Variants in ICE2 observed in about 807,000 individuals in gnomAD.
ICE2 encodes interactor of little elongation complex ELL subunit 2.
Under a neutral mutation model 105.4 loss-of-function variants are expected in ICE2, and 87 were observed. That is an observed-to-expected ratio of 0.83 (90% CI 0.69 to 0.99). The LOEUF (loss-of-function observed/expected upper bound fraction) is 0.99, where lower values mean the gene tolerates loss of function less well. Ranked by LOEUF, ICE2 falls within the 50% of genes least tolerant of loss-of-function variation. The pLI, the probability that ICE2 is intolerant of heterozygous loss-of-function variation, is 0.00. For synonymous variants in ICE2, 399 were observed against 392.0 expected (o/e 1.02, Z -0.21); for missense variants, 1,323 against 1,146.7 (o/e 1.15, Z -2.22).
chr15:60,475,366 C>T (rs1232665023), intron 3 of ICE2, among the ~76,000 whole-genome samples: 1 of 152,010 alleles, frequency 6.6e-6, no homozygotes, highest in Non-Finnish European at 1.5e-5. Context: ...AAAATATAAA[C>T]TGTACATATT....
intron 11 of ICE2, chr15:60,445,815 AT>A (rs1193605091): frequency 1.0e-6 from 1 of 981,936 alleles, no homozygotes; most frequent in Non-Finnish European, 1.2e-6. Flanking sequence ...ACAAAGTGGT[AT>A]GGGTTCACAG....
At chr15:60,457,178 T>C (rs1047125345) in intron 5 of ICE2, among the ~76,000 whole-genome samples, 4 of 152,154 alleles carry the variant, frequency 2.6e-5, no homozygotes, top group African/African-American at 7.2e-5. Flanking sequence ...ATTAATGAAG[T>C]AGTTATCTTA....
intron 12 of ICE2, 32 bp from the exon 13 acceptor site, chr15:60,436,259 A>C (rs1261816299): frequency 7.0e-6 from 6 of 855,002 alleles, no homozygotes; most frequent in Non-Finnish European, 1.1e-5. Context: ...AGAAAGAAGA[A>C]GCAATTGCAG....
At chr15:60,478,100 G>T (rs1020831882) in intron 1 of ICE2, 31 bp from the exon 2 acceptor site, 17 of 848,910 alleles carry the variant, frequency 2.0e-5, no homozygotes, top group Non-Finnish European at 3.2e-5. Flanking sequence ...AAGATCAAAA[G>T]CAAGTGATTG....
rs752892476 is a variant in ICE2 at position 60,436,219 on chromosome 15, C to T, written c.2434G>A (p.Asp812Asn). Residue 812 changes from aspartate to asparagine, a missense_variant, in exon 13 of 16, where the codon GAT becomes AAT. Transcript: ENST00000261520. Reference protein sequence around the residue: ...SNSSFYVGHIDAFTSKLFLLE... With the variant: ...SNSSFYVGHINAFTSKLFLLE... ...AGAAAAAGTTTTGAAGTAAATGCAT[C>T]GATATGCCCTAAAATAAAATATCAA... 7 of 1,331,176 alleles carry T rather than the reference C, an allele frequency of 5.3e-6. No homozygotes were observed. Among genetic ancestry groups the T allele is most frequent in the African/African-American group, 1.5e-5 (1 of 65,252 alleles). 82.5% of individuals were successfully genotyped at this position (1,331,176 alleles called of 1,614,324 possible).
intron 5 of ICE2, among the ~76,000 whole-genome samples, chr15:60,460,273 G>C (rs759596070): frequency 6.6e-6 from 1 of 152,184 alleles, no homozygotes; most frequent in Non-Finnish European, 1.5e-5. Context: ...GAGGCAGGTG[G>C]ATCACCTGAG....
intron 14 of ICE2, among the ~76,000 whole-genome samples, chr15:60,431,357 A>T (rs1403232989): frequency 6.6e-6 from 1 of 152,162 alleles, no homozygotes; most frequent in African/African-American, 2.4e-5. Context: ...ATCCCAAATT[A>T]TGTGAGAAGG....
chr15:60,455,091 C>T lies in ICE2; in HGVS notation c.855G>A (p.Gln285=). 1 of 1,603,172 alleles carries T rather than the reference C, an allele frequency of 6.2e-7. No homozygotes were observed. The highest frequency in any genetic ancestry group is 8.5e-7 in the Non-Finnish European group (1 of 1,176,388). ...RYHPQIALTS[Q]SLFTLLNNHG... is the part of the protein sequence containing the mutation. ...GATTATTTAATAAGGTAAATAATGA[C>T]TGACTAGTTAGAGCTATCTGAGGGT... Residue 285 remains glutamine, a synonymous_variant, in exon 8 of 16, where the codon CAG becomes CAA. Transcript: ENST00000261520.
intron 15 of ICE2, among the ~76,000 whole-genome samples, chr15:60,427,299 A>C (rs75954380): frequency 1.9e-3 from 286 of 152,378 alleles, no homozygotes; most frequent in African/African-American, 6.6e-3. Flanking sequence ...GGCAACCATA[A>C]TGAGAAGATA....
intron 5 of ICE2, among the ~76,000 whole-genome samples, chr15:60,463,509 C>G (rs979038171): frequency 1.3e-5 from 2 of 152,224 alleles, no homozygotes; most frequent in African/African-American, 4.8e-5. Flanking sequence ...CACGGTGGCT[C>G]ACGCCTATAA....
chr15:60,454,953 G>A (rs1248119277), intron 8 of ICE2, 50 bp downstream of exon 8: 10 of 1,470,100 alleles, frequency 6.8e-6, no homozygotes, highest in Non-Finnish European at 9.1e-6. Flanking sequence ...AGAACATGCA[G>A]TCCAACTTCT....
chr15:60,434,850 T>A lies in ICE2; in HGVS notation c.2510+1293A>T, dbSNP rs115358808. ...AATACCATAGTAGAGAAATTACAGTTCATCATAATTTACTGTATATGTCCA... is the reference window on the plus strand; with the variant it reads ...AATACCATAGTAGAGAAATTACAGTACATCATAATTTACTGTATATGTCCA... On this transcript the variant is annotated intron_variant, in intron 13 of 15. Transcript: ENST00000261520. Among the ~76,000 whole-genome samples, 975 of 152,288 alleles carry A rather than the reference T, an allele frequency of 6.4e-3. 8 individuals carry two copies. The highest frequency in any genetic ancestry group is 0.023 in the African/African-American group (948 of 41,564).
chr15:60,447,277 G>A (rs774789684), intron 11 of ICE2, among the ~76,000 whole-genome samples: 12 of 152,094 alleles, frequency 7.9e-5, no homozygotes, highest in Non-Finnish European at 1.5e-4. Context: ...AAAGTGAAAA[G>A]AACTCGAGTT....
chr15:60,422,228 G>GCTCAAGCAATTCTTCTGC lies in ICE2; in HGVS notation c.*1388_*1405dup, dbSNP rs2063248622. The GCTCAAGCAATTCTTCTGC allele has an allele frequency of 6.6e-6, 1 of 151,502 alleles. No homozygotes were observed. The highest frequency in any genetic ancestry group is 2.4e-5 in the African/African-American group (1 of 41,186). 9.4% of individuals were successfully genotyped at this position (151,502 alleles called of 1,614,324 possible). On this transcript the variant is annotated 3_prime_UTR_variant, in exon 16 of 16. Coordinates refer to ENST00000261520, the MANE Select transcript of ICE2 (RefSeq NM_024611.6). ...ACTCACTGTAGCCTTGACTTCTTGG[G>GCTCAAGCAATTCTTCTGC]CTCAAGCAATTCTTCTGCCTCAGCC... is the stretch of plus-strand genomic sequence containing the variant.
chr15:60,478,729 T>A (rs2141190643), intron 1 of ICE2: 1 of 345,158 alleles, frequency 2.9e-6, no homozygotes, highest in East Asian at 8.1e-5. Flanking sequence ...AATCTACCTC[T>A]CACACTTCGA....
chr15:60,431,654 T>C (rs148462985), intron 14 of ICE2, among the ~76,000 whole-genome samples: 143 of 152,326 alleles, frequency 9.4e-4, no homozygotes, highest in African/African-American at 3.2e-3. Flanking sequence ...AGAATCAATC[T>C]GTTTTGTTTC....
chr15:60,458,349 AG>A (rs1286585809), intron 5 of ICE2, among the ~76,000 whole-genome samples: 1 of 152,196 alleles, frequency 6.6e-6, no homozygotes, highest in Non-Finnish European at 1.5e-5. Flanking sequence ...ATACACCAAA[AG>A]CAAATGCATT....
Position 60,469,343 on chromosome 15 carries a change from G to C in ICE2, c.147-1021C>G, listed in dbSNP as rs138203387. On this transcript the variant is annotated intron_variant, in intron 3 of 15. Coordinates refer to ENST00000261520, the MANE Select transcript of ICE2 (RefSeq NM_024611.6). ...TTAGGAAAAATAGCTAATGCATGCT[G>C]GGCTTAATACCTAGGTGATGGGTTG... is the stretch of plus-strand genomic sequence containing the variant. 2.0e-5 allele frequency among the ~76,000 whole-genome samples: 3 copies of C among 152,190 alleles called. No homozygotes were observed. The East Asian group carries it at 5.8e-4, about 29-fold the overall frequency.
At position 60,470,553 on chromosome 15, in the gene ICE2, C is replaced by G. The variant is rs568097780; in HGVS notation, c.147-2231G>C. On this transcript the variant is annotated intron_variant, in intron 3 of 15. Transcript: ENST00000261520. ...ACAGTCCCCTTCAGGCTTTCTCTTA[C>G]CAGGTACAAATAAGTCTAGTCCATT... Among the ~76,000 whole-genome samples the G allele has an allele frequency of 2.6e-5, 4 of 152,268 alleles. No individual in the cohort carries two copies. The South Asian group carries it at 8.3e-4, about 32-fold the overall frequency.
Sources: gnomAD v4.1 joint callset for allele counts (sites outside exome capture counted in the v4.1 genomes callset) on GRCh38, gnomAD v4.1.1 for gene constraint, MANE v1.5 for transcripts, NCBI Gene and HGNC (gene_info 2026-07-23, HGNC 2026-07-21) for gene names.